PSMD12: variants seen among roughly 807,000 people sequenced by gnomAD.
PSMD12 encodes proteasome 26S subunit, non-ATPase 12.
Under a neutral mutation model 62.9 loss-of-function variants are expected in PSMD12, and 8 were observed. That is an observed-to-expected ratio of 0.13 (90% CI 0.07 to 0.23). PSMD12 has a LOEUF of 0.23. Ranked by LOEUF, PSMD12 falls within the 10% of genes least tolerant of loss-of-function variation. PSMD12 has a pLI of 1.00. For synonymous variants in PSMD12, 173 were observed against 187.4 expected (o/e 0.92, Z 0.63); for missense variants, 424 against 550.2 (o/e 0.77, Z 2.29).
chr17:67,347,665 G>C (rs1028317081), intron 5 of PSMD12, among the ~76,000 whole-genome samples, 180 bp from the exon 6 acceptor site: 2 of 152,030 alleles, frequency 1.3e-5, no homozygotes, highest in African/African-American at 4.8e-5. Context: ...AATTTATAAT[G>C]GATTTTCCCC....
rs1598564964 is a variant in PSMD12 at position 67,351,216 on chromosome 17, C to A, written c.298-880G>T. Among the ~76,000 whole-genome samples, 5 of 151,820 alleles carry A rather than the reference C, an allele frequency of 3.3e-5. No individual in the cohort carries two copies. In the East Asian group the frequency reaches 7.8e-4, roughly 24 times the overall value. On this transcript the variant is annotated intron_variant, in intron 3 of 10. Transcript: ENST00000356126. ...ACCAACCTGGCTAACATGGTGAAAC[C>A]CCGTCTCTACTAAAAATACAAAAAA...
At position 67,347,317 on chromosome 17, in the gene PSMD12, T is replaced by A; in HGVS notation, c.660+19A>T. ...TATTCATACTTTTAAAGTAAACATGTGGTCACAGATATGCTCACCTCTGTA... is the reference window on the plus strand; with the variant it reads ...TATTCATACTTTTAAAGTAAACATGAGGTCACAGATATGCTCACCTCTGTA... On this transcript the variant is annotated intron_variant, in intron 6 of 10. Coordinates refer to ENST00000356126, the MANE Select transcript of PSMD12 (RefSeq NM_002816.5). The A allele has an allele frequency of 6.2e-7, 1 of 1,612,056 alleles. No individual in the cohort carries two copies. The highest frequency in any genetic ancestry group is 8.5e-7 in the Non-Finnish European group (1 of 1,178,756).
chr17:67,347,057 A>T, intron 7 of PSMD12, 59 bp downstream of exon 7: 1 of 1,520,550 alleles, frequency 6.6e-7, no homozygotes, highest in Non-Finnish European at 8.9e-7. Context: ...TTGAAAATAA[A>T]AAAAGCAAAT....
At chr17:67,345,295 G>A (rs1392129321) in intron 8 of PSMD12, among the ~76,000 whole-genome samples, 2 of 152,042 alleles carry the variant, frequency 1.3e-5, no homozygotes, top group East Asian at 1.9e-4. Flanking sequence ...ATTCCACCAC[G>A]TTATCCTCTC....
chr17:67,344,864 CAA>C (rs1413303709), intron 8 of PSMD12, 84 bp from the exon 9 acceptor site: 7 of 1,181,806 alleles, frequency 5.9e-6, no homozygotes, highest in South Asian at 2.0e-5. Flanking sequence ...AAAAATTCAG[CAA>C]AGACTGTTTT....
At chr17:67,343,682 C>T (rs2041936569) in intron 9 of PSMD12, among the ~76,000 whole-genome samples, 1 of 152,118 alleles carries the variant, frequency 6.6e-6, no homozygotes, top group African/African-American at 2.4e-5. Flanking sequence ...AATTTTTAAT[C>T]TTATTAAAGG....
chr17:67,356,219 T>C (rs2042069968), intron 3 of PSMD12, among the ~76,000 whole-genome samples: 1 of 151,918 alleles, frequency 6.6e-6, no homozygotes, highest in African/African-American at 2.4e-5. Flanking sequence ...AGGAGAGAAA[T>C]CTTTATCAAC....
intron 4 of PSMD12, among the ~76,000 whole-genome samples, chr17:67,349,278 C>T (rs2143701059): frequency 6.6e-6 from 1 of 152,326 alleles, no homozygotes; most frequent in South Asian, 2.1e-4. Flanking sequence ...CTCGGCCTCC[C>T]AAGGTGCTGG....
chr17:67,349,271 G>A (rs567821479), intron 4 of PSMD12, among the ~76,000 whole-genome samples: 3 of 152,208 alleles, frequency 2.0e-5, no homozygotes, highest in Admixed American at 6.5e-5. Flanking sequence ...CGCCCACCTC[G>A]GCCTCCCAAG....
Position 67,340,758 on chromosome 17 carries a change from A to G in PSMD12, c.*85T>C, listed in dbSNP as rs1337436907. On this transcript the variant is annotated 3_prime_UTR_variant, in exon 11 of 11. Transcript: ENST00000356126. ...TAAAATTTAAGACAAAGAAGCTTAG[A>G]AAAAAAACCCCAACATATACACCAT... 7 of 1,107,230 alleles carry G rather than the reference A, an allele frequency of 6.3e-6. No homozygotes were observed. Among genetic ancestry groups the G allele is most frequent in the East Asian group, 3.0e-5 (1 of 33,024 alleles). 68.6% of individuals were successfully genotyped at this position (1,107,230 alleles called of 1,614,324 possible).
intron 7 of PSMD12, 101 bp downstream of exon 7, chr17:67,347,015 C>T: frequency 8.0e-7 from 1 of 1,250,830 alleles, no homozygotes; most frequent in Non-Finnish European, 1.1e-6. Flanking sequence ...CAGCACCATA[C>T]AATTGCATCT....
At position 67,339,652 on chromosome 17, in the gene PSMD12, TTC is replaced by T. The variant is rs1289301746; in HGVS notation, c.*1189_*1190del. 6.6e-6 allele frequency: 1 copy of T among 152,202 alleles called. No individual in the cohort carries two copies. Among genetic ancestry groups the T allele is most frequent in the Non-Finnish European group, 1.5e-5 (1 of 68,042 alleles). The allele number at this position is 152,202 out of a possible 1,614,324, so 9.4% of individuals were successfully genotyped here. A position where few individuals can be genotyped will look rare whatever the true frequency, so the allele number is the denominator to read the frequency against. The stretch of plus-strand genomic sequence containing the variant: ...AAATGCCATTTCTAGAATGCTGTTT[TTC>T]TTTTTCTCTTCATTTGAATTTTTTT... On this transcript the variant is annotated 3_prime_UTR_variant, in exon 11 of 11. Transcript: ENST00000356126.
rs1305594083 is a variant in PSMD12 at position 67,344,793 on chromosome 17, T to C, written c.909-13A>G. 1.3e-6 allele frequency: 2 copies of C among 1,531,548 alleles called. No homozygotes were observed. The highest frequency in any genetic ancestry group is 1.4e-5 in the African/African-American group (1 of 72,568). The allele number at this position is 1,531,548 out of a possible 1,614,324, so 94.9% of individuals were successfully genotyped here. ...CTTTAAAAGATCCCTGAAAATTGTATACATCTTAATATTCCAAATCTGTAA... is the reference window on the plus strand; with the variant it reads ...CTTTAAAAGATCCCTGAAAATTGTACACATCTTAATATTCCAAATCTGTAA... On this transcript the variant is annotated splice_polypyrimidine_tract_variant and intron_variant, in intron 8 of 10. Transcript: ENST00000356126.
At chr17:67,353,093 T>G (rs2042033348) in intron 3 of PSMD12, among the ~76,000 whole-genome samples, 5 of 152,124 alleles carry the variant, frequency 3.3e-5, no homozygotes, top group African/African-American at 1.2e-4. Flanking sequence ...GGGACTACTG[T>G]ACATTAATAC....
intron 1 of PSMD12, 98 bp downstream of exon 1, chr17:67,366,314 G>T: frequency 1.7e-6 from 2 of 1,171,836 alleles, no homozygotes; most frequent in Non-Finnish European, 1.2e-6. Flanking sequence ...GCATTGGGGG[G>T]TGCACGCTCC....
chr17:67,348,333 G>A (rs56247409), intron 5 of PSMD12, among the ~76,000 whole-genome samples: 27,149 of 152,064 alleles, frequency 0.18, 3,060 homozygotes, highest in South Asian at 0.32. Flanking sequence ...GTATGTAGTG[G>A]TACCCCATTG....
At chr17:67,343,137 C>T (rs1885650375) in intron 9 of PSMD12, among the ~76,000 whole-genome samples, 1 of 151,978 alleles carries the variant, frequency 6.6e-6, no homozygotes, top group African/African-American at 2.4e-5. Flanking sequence ...GGTGGGGGAA[C>T]AGTGGGGAGA....
chr17:67,344,232 A>G (rs1454509630), intron 9 of PSMD12, among the ~76,000 whole-genome samples: 1 of 152,226 alleles, frequency 6.6e-6, no homozygotes, highest in African/African-American at 2.4e-5. Context: ...TTCTTCGGAA[A>G]TTCTGTCTGG....
chr17:67,353,473 G>A (rs1244846934), intron 3 of PSMD12, among the ~76,000 whole-genome samples: 1 of 151,808 alleles, frequency 6.6e-6, no homozygotes, highest in Non-Finnish European at 1.5e-5. Context: ...CTGGCTAATT[G>A]TTTTTGTATT....
Sources: allele counts gnomAD v4.1 joint callset (sites outside exome capture counted in the v4.1 genomes callset), GRCh38; gene constraint gnomAD v4.1.1; transcripts MANE v1.5; gene names NCBI Gene and HGNC (gene_info 2026-07-23, HGNC 2026-07-21).